Variants in PRUNE2 observed in about 807,000 individuals in gnomAD.
PRUNE2 encodes prune homolog 2 with BCH domain.
Under a neutral mutation model 252.0 loss-of-function variants are expected in PRUNE2, and 164 were observed. That is an observed-to-expected ratio of 0.65 (90% CI 0.57 to 0.74). The LOEUF (loss-of-function observed/expected upper bound fraction) is 0.74. Among genes scored for constraint, PRUNE2 ranks in the 30% least tolerant of loss-of-function variants. The probability of loss-of-function intolerance (pLI) is 0.00; values close to 1 mark genes in which losing one functional copy is unlikely to be tolerated. For missense variants in PRUNE2, 3,495 were observed against 3,711.0 expected, an observed-to-expected ratio of 0.94 and a Z score of 1.51; for synonymous variants, 1,292 against 1,350.2, an observed-to-expected ratio of 0.96 and a Z score of 0.94.
chr9:76,755,441 TA>T (rs77966158), intron 6 of PRUNE2, among the ~76,000 whole-genome samples: 20,413 of 150,908 alleles, frequency 0.14, 2,192 homozygotes, highest in East Asian at 0.41. Context: ...TCTGGGGATA[TA>T]AAAAAAAATA....
chr9:76,768,535 A>G (rs2052688946), intron 6 of PRUNE2, among the ~76,000 whole-genome samples: 1 of 148,464 alleles, frequency 6.7e-6, no homozygotes, highest in Non-Finnish European at 1.5e-5. Context: ...CGCACCTAGA[A>G]CGTTCTCTGG....
At chr9:76,647,893 T>C (rs1004473643) in intron 11 of PRUNE2, among the ~76,000 whole-genome samples, 2 of 152,038 alleles carry the variant, frequency 1.3e-5, no homozygotes, top group African/African-American at 4.8e-5. Context: ...ACCCAAGAGC[T>C]AGAGGTTGCA....
intron 4 of PRUNE2, among the ~76,000 whole-genome samples, chr9:76,834,091 C>T (rs1440326386): frequency 6.6e-6 from 1 of 151,910 alleles, no homozygotes; most frequent in Non-Finnish European, 1.5e-5. Flanking sequence ...CCATGTTGGC[C>T]AGTCTGGTCT....
rs1232249025 is a variant in PRUNE2, at chr9:76,808,102, TG to T, written c.756+15529del. On this transcript the variant is annotated intron_variant, in intron 6 of 18. Coordinates refer to ENST00000376718, the MANE Select transcript of PRUNE2 (RefSeq NM_015225.3). ...CTGAGGCAGGAGAATCACTTGAACC[TG>T]GGAGGCAGAGGTTGCAGTGAGCCGA... is the stretch of plus-strand genomic sequence containing the variant. Among the ~76,000 whole-genome samples, 4 of 152,278 alleles carry T rather than the reference TG, an allele frequency of 2.6e-5. No homozygotes were observed. The East Asian group carries it at 5.8e-4, about 22-fold the overall frequency.
chr9:76,892,568 C>A (rs918403475), intron 1 of PRUNE2, among the ~76,000 whole-genome samples: 6 of 152,100 alleles, frequency 3.9e-5, no homozygotes, highest in Non-Finnish European at 7.4e-5. Flanking sequence ...TTAAACTGTG[C>A]TCCATTATTT....
At chr9:76,740,915 T>C (rs1430321453) in intron 6 of PRUNE2, among the ~76,000 whole-genome samples, 1 of 152,166 alleles carries the variant, frequency 6.6e-6, no homozygotes, top group African/African-American at 2.4e-5. Flanking sequence ...CTCTTACATA[T>C]TGATTTCTCC....
chr9:76,809,722 T>C (rs1421790424), intron 6 of PRUNE2, among the ~76,000 whole-genome samples: 1 of 152,140 alleles, frequency 6.6e-6, no homozygotes, highest in East Asian at 1.9e-4. Flanking sequence ...AAAATCCTGA[T>C]ATGACCACTA....
intron 9 of PRUNE2, among the ~76,000 whole-genome samples, chr9:76,700,614 A>C (rs1189543485): frequency 6.6e-6 from 1 of 152,192 alleles, no homozygotes; most frequent in Admixed American, 6.5e-5. Flanking sequence ...ATTTTTTAAA[A>C]ATTTATTTTA....
intron 9 of PRUNE2, among the ~76,000 whole-genome samples, chr9:76,659,732 T>G (rs1850567567): frequency 6.6e-6 from 1 of 152,110 alleles, no homozygotes; most frequent in Non-Finnish European, 1.5e-5. Flanking sequence ...CTGAGTGTTG[T>G]GTCAGCACTG....
chr9:76,642,976 C>T (rs761051926), intron 12 of PRUNE2, among the ~76,000 whole-genome samples: 2 of 152,072 alleles, frequency 1.3e-5, no homozygotes, highest in Non-Finnish European at 2.9e-5. Context: ...ACTGAGCTTG[C>T]GACACAGAAT....
intron 1 of PRUNE2, chr9:76,862,714 CAA>C (rs201671108): frequency 2.7e-5 from 4 of 150,812 alleles, no homozygotes; most frequent in Non-Finnish European, 3.0e-5. Flanking sequence ...TAGAAACTCA[CAA>C]AAAAAAACCT....
intron 1 of PRUNE2, among the ~76,000 whole-genome samples, chr9:76,854,648 AT>A (rs1389998244): frequency 2.0e-5 from 3 of 152,102 alleles, no homozygotes; most frequent in Admixed American, 6.5e-5. Context: ...GTAAGGATTT[AT>A]TTTTTTATGT....
intron 3 of PRUNE2, among the ~76,000 whole-genome samples, chr9:76,847,492 G>T (rs918356127): frequency 6.6e-6 from 1 of 152,014 alleles, no homozygotes; most frequent in Non-Finnish European, 1.5e-5. Flanking sequence ...GGCACAAAGA[G>T]GTTAAGAAAT....
At chr9:76,636,789 A>C (rs1355121767) in intron 14 of PRUNE2, among the ~76,000 whole-genome samples, 1 of 151,920 alleles carries the variant, frequency 6.6e-6, no homozygotes, top group East Asian at 1.9e-4. Context: ...AATAAAAATA[A>C]AAATAAAAAT....
chr9:76,905,416 C>G lies in PRUNE2; in HGVS notation c.36+512G>C, dbSNP rs1300237889. Among the ~76,000 whole-genome samples the G allele has an allele frequency of 9.2e-5, 14 of 152,314 alleles. No homozygotes were observed. In the East Asian group the frequency reaches 2.7e-3, roughly 29 times the overall value. On this transcript the variant is annotated intron_variant, in intron 1 of 18. Coordinates refer to ENST00000376718, the MANE Select transcript of PRUNE2 (RefSeq NM_015225.3). ...CGAGACACAAGACACACTAGAATAT[C>G]CCTAACTCCTGCAGTGGAGCAAGCT...
intron 10 of PRUNE2, among the ~76,000 whole-genome samples, chr9:76,654,782 A>C (rs1848616854): frequency 6.6e-6 from 1 of 152,196 alleles, no homozygotes; most frequent in African/African-American, 2.4e-5. Context: ...AATGCATTTC[A>C]AATACTACGA....
intron 1 of PRUNE2, among the ~76,000 whole-genome samples, chr9:76,898,032 G>C (rs1470259237): frequency 6.6e-6 from 1 of 152,116 alleles, no homozygotes; most frequent in Non-Finnish European, 1.5e-5. Flanking sequence ...TGCTACTACT[G>C]TTCTCATTTA....
At chr9:76,743,482 C>T (rs1183190738) in intron 6 of PRUNE2, among the ~76,000 whole-genome samples, 1 of 151,708 alleles carries the variant, frequency 6.6e-6, no homozygotes, top group Non-Finnish European at 1.5e-5. Context: ...GGGAACAGTC[C>T]CATAGAGGGA....
At position 76,692,338 on chromosome 9, in the gene PRUNE2, C is replaced by A. The variant is rs2044856163; in HGVS notation, c.8276+10999G>T. On this transcript the variant is annotated intron_variant, in intron 9 of 18. Coordinates refer to ENST00000376718, the MANE Select transcript of PRUNE2 (RefSeq NM_015225.3). Reference sequence around the variant, plus strand: ...TACCCTTTCACCCACGTTGTGGAGTCAAAAATGCTCTTTAATTTTTATGTC... The same window carrying A: ...TACCCTTTCACCCACGTTGTGGAGTAAAAAATGCTCTTTAATTTTTATGTC... 5.4e-5 allele frequency: 28 copies of A among 523,026 alleles called. No individual in the cohort carries two copies. The South Asian group carries it at 7.4e-4, about 14-fold the overall frequency. The allele number at this position is 523,026 out of a possible 1,614,324, so 32.4% of individuals were successfully genotyped here. A position where few individuals can be genotyped will look rare whatever the true frequency, so the allele number is the denominator to read the frequency against.
Sources: allele counts gnomAD v4.1 joint callset (sites outside exome capture counted in the v4.1 genomes callset), GRCh38; gene constraint gnomAD v4.1.1; transcripts MANE v1.5; gene names NCBI Gene and HGNC (gene_info 2026-07-23, HGNC 2026-07-21).